SYT1: variants seen among roughly 807,000 people sequenced by gnomAD.
SYT1 encodes synaptotagmin 1.
A neutral mutation model predicts 44.8 loss-of-function variants in SYT1; 8 were observed. The ratio of observed to expected loss-of-function variants is 0.18; its 90% CI spans 0.10 to 0.32. The LOEUF is 0.32. Among genes scored for constraint, SYT1 ranks in the 10% least tolerant of loss-of-function variants. The pLI is 1.00. For synonymous variants in SYT1, 154 were observed against 188.8 expected (o/e 0.82, Z 1.51); for missense variants, 286 against 509.3 (o/e 0.56, Z 4.22).
chr12:78,970,861 A>G (rs527447643), intron 1 of SYT1, among the ~76,000 whole-genome samples: 23 of 152,276 alleles, frequency 1.5e-4, no homozygotes, highest in Middle Eastern at 3.4e-3. Context: ...GAGATTTACT[A>G]TTATACCCAT....
intron 1 of SYT1, among the ~76,000 whole-genome samples, chr12:78,918,626 A>G (rs1471425284): frequency 6.6e-6 from 1 of 152,094 alleles, no homozygotes; most frequent in Non-Finnish European, 1.5e-5. Context: ...TGCATCATTC[A>G]CAGAGGACTC....
Position 79,391,414 on chromosome 12 carries a change from C to T in SYT1, c.928+37795C>T, listed in dbSNP as rs560390211. Among the ~76,000 whole-genome samples, 7 of 152,050 alleles carry T rather than the reference C, an allele frequency of 4.6e-5. No individual in the cohort carries two copies. The South Asian group carries it at 1.5e-3, about 32-fold the overall frequency. On this transcript the variant is annotated intron_variant, in intron 9 of 10. Coordinates refer to ENST00000261205, the MANE Select transcript of SYT1 (RefSeq NM_005639.3). ...ACAGTAAAAGAAGCTTTCAAAAATC[C>T]CTTCCCAGTTCTAAAATGTATACAT...
intron 1 of SYT1, 83 bp downstream of exon 1, chr12:78,865,192 A>T (rs1283253674): frequency 1.3e-5 from 2 of 152,062 alleles, no homozygotes; most frequent in Non-Finnish European, 2.9e-5. Flanking sequence ...TTCTCGATAC[A>T]CTTGGGTTTT....
At chr12:79,384,741 G>A (rs550220378) in intron 9 of SYT1, among the ~76,000 whole-genome samples, 1 of 152,170 alleles carries the variant, frequency 6.6e-6, no homozygotes, top group Non-Finnish European at 1.5e-5. Flanking sequence ...TAGAAGCATA[G>A]CAGAAAACAA....
intron 8 of SYT1, among the ~76,000 whole-genome samples, chr12:79,343,714 A>G (rs1400484660): frequency 1.3e-5 from 2 of 152,200 alleles, no homozygotes; most frequent in East Asian, 3.8e-4. Context: ...TCTATAAATC[A>G]TATATATATT....
intron 3 of SYT1, among the ~76,000 whole-genome samples, chr12:79,195,442 G>C (rs553088791): frequency 6.6e-4 from 100 of 150,932 alleles, no homozygotes; most frequent in South Asian, 1.3e-3. Flanking sequence ...GAGTCTACCA[G>C]GTGCTTTGAT....
chr12:78,937,513 T>C (rs757489925), intron 1 of SYT1, among the ~76,000 whole-genome samples: 2 of 152,026 alleles, frequency 1.3e-5, no homozygotes, highest in Non-Finnish European at 2.9e-5. Flanking sequence ...TTTTAGACCG[T>C]AAACATGATG....
chr12:78,927,445 T>G (rs1877365308), intron 1 of SYT1, among the ~76,000 whole-genome samples: 1 of 152,152 alleles, frequency 6.6e-6, no homozygotes, highest in African/African-American at 2.4e-5. Context: ...TTAGTGTGCG[T>G]CATTTAAAAA....
At chr12:79,184,719 A>G (rs1205946795) in intron 3 of SYT1, among the ~76,000 whole-genome samples, 1 of 152,074 alleles carries the variant, frequency 6.6e-6, no homozygotes, top group East Asian at 1.9e-4. Flanking sequence ...TAAAACTCTT[A>G]TGTTTCAGCT....
chr12:79,350,888 C>T (rs532610890), intron 8 of SYT1, among the ~76,000 whole-genome samples: 1 of 152,234 alleles, frequency 6.6e-6, no homozygotes, highest in East Asian at 1.9e-4. Flanking sequence ...ACACAAATTT[C>T]AGGAAAATCA....
intron 4 of SYT1, among the ~76,000 whole-genome samples, chr12:79,271,918 CT>C (rs1878447923): frequency 6.6e-6 from 1 of 152,106 alleles, no homozygotes; most frequent in African/African-American, 2.4e-5. Context: ...ACATTTATCT[CT>C]TTTTTTCTTA....
intron 3 of SYT1, among the ~76,000 whole-genome samples, chr12:79,086,501 C>T (rs1877392612): frequency 6.6e-6 from 1 of 152,056 alleles, no homozygotes; most frequent in African/African-American, 2.4e-5. Context: ...TTCTTTCATC[C>T]CCAGAAGTTT....
intron 9 of SYT1, among the ~76,000 whole-genome samples, chr12:79,427,051 T>C (rs997663828): frequency 1.3e-5 from 2 of 152,242 alleles, no homozygotes; most frequent in African/African-American, 4.8e-5. Context: ...CCCTAAGCCA[T>C]GCTGAACTGT....
At chr12:79,241,283 T>G (rs1214128207) in intron 4 of SYT1, among the ~76,000 whole-genome samples, 1 of 152,160 alleles carries the variant, frequency 6.6e-6, no homozygotes, top group East Asian at 1.9e-4. Context: ...TTTAATTTTA[T>G]TTTTGGAGAT....
chr12:79,017,658 A>G (rs1286256438), intron 2 of SYT1, among the ~76,000 whole-genome samples: 1 of 152,094 alleles, frequency 6.6e-6, no homozygotes, highest in Non-Finnish European at 1.5e-5. Context: ...TGTTGGAGGA[A>G]GAGGTTGGAA....
intron 2 of SYT1, among the ~76,000 whole-genome samples, chr12:79,022,349 G>A (rs1872248058): frequency 6.6e-6 from 1 of 151,732 alleles, no homozygotes; most frequent in Non-Finnish European, 1.5e-5. Flanking sequence ...CTACGTCAGT[G>A]GCTCTCAAAG....
chr12:79,088,321 A>G (rs1877523167), intron 3 of SYT1, among the ~76,000 whole-genome samples: 1 of 152,122 alleles, frequency 6.6e-6, no homozygotes, highest in Non-Finnish European at 1.5e-5. Flanking sequence ...GGAAGGTTCA[A>G]TAATTTGAGT....
At position 79,056,508 on chromosome 12, in the gene SYT1, C is replaced by T. The variant is rs180843854; in HGVS notation, c.-18+9146C>T. 5.9e-5 allele frequency among the ~76,000 whole-genome samples: 9 copies of T among 152,098 alleles called. No homozygotes were observed. In the East Asian group the frequency reaches 1.4e-3, roughly 23 times the overall value. ...AAGTAGGCTGAATCAGTATGCATCA[C>T]GATGTGAAGGGTAGCAAAAATGCTT... is the stretch of plus-strand genomic sequence containing the variant. On this transcript the variant is annotated intron_variant, in intron 3 of 10. Transcript: ENST00000261205.
chr12:79,177,826 T>C (rs1030980556), intron 3 of SYT1, among the ~76,000 whole-genome samples: 1 of 125,790 alleles, frequency 7.9e-6, no homozygotes, highest in African/African-American at 3.3e-5. Context: ...CATGTGTTTT[T>C]TGGCTGCATA....
Sources: allele counts gnomAD v4.1 joint callset (sites outside exome capture counted in the v4.1 genomes callset), GRCh38; gene constraint gnomAD v4.1.1; transcripts MANE v1.5; gene names NCBI Gene and HGNC (gene_info 2026-07-23, HGNC 2026-07-21).